Variants in DKK3 observed in about 807,000 individuals in gnomAD.
DKK3 encodes the protein dickkopf Wnt signaling pathway inhibitor 3, also known as dickkopf-related protein 3.
DKK3 carries 22 observed loss-of-function variants against 33.2 expected under a neutral mutation model. That is an observed-to-expected ratio of 0.66 (90% confidence interval 0.47 to 0.95). DKK3 has a LOEUF of 0.95. DKK3 is among the 40% of genes least tolerant of loss of function. DKK3 has a pLI of 0.00. For missense variants in DKK3, 398 were observed against 458.4 expected, an observed-to-expected ratio of 0.87 and a Z score of 1.20; for synonymous variants, 194 against 188.8, an observed-to-expected ratio of 1.03 and a Z score of -0.23.
At chr11:12,002,058 G>C (rs1367666682) in intron 2 of DKK3, 4 of 380,474 alleles carry the variant, frequency 1.1e-5, no homozygotes, top group Non-Finnish European at 1.9e-5. Context: ...TTTGCAACTG[G>C]ACTGGCAGGA....
intron 1 of DKK3, among the ~76,000 whole-genome samples, chr11:12,007,316 T>C (rs1479169969): frequency 6.6e-6 from 1 of 152,114 alleles, no homozygotes; most frequent in Non-Finnish European, 1.5e-5. Flanking sequence ...AGCCTGGACA[T>C]TGGTTTCCTG....
chr11:11,986,744 C>T (rs1200945692), intron 3 of DKK3, among the ~76,000 whole-genome samples: 4 of 152,232 alleles, frequency 2.6e-5, no homozygotes, highest in African/African-American at 4.8e-5. Flanking sequence ...ACCATTTTAC[C>T]GTCTGCCATG....
At chr11:12,006,487 G>A (rs16910347) in intron 1 of DKK3, among the ~76,000 whole-genome samples, 6,678 of 152,278 alleles carry the variant, frequency 0.044, 480 homozygotes, top group African/African-American at 0.15. Context: ...TCCTGCCATG[G>A]TGTTCAACCT....
intron 1 of DKK3, among the ~76,000 whole-genome samples, chr11:12,007,261 C>T (rs1848556243): frequency 6.6e-6 from 1 of 152,178 alleles, no homozygotes; most frequent in Non-Finnish European, 1.5e-5. Context: ...AGGGGGATAC[C>T]AAGCTGGAGA....
intron 3 of DKK3, among the ~76,000 whole-genome samples, chr11:11,985,523 T>C (rs1848051964): frequency 6.6e-6 from 1 of 152,258 alleles, no homozygotes; most frequent in Non-Finnish European, 1.5e-5. Context: ...TCCATTACTA[T>C]TAGTGACCTT....
At chr11:12,007,270 G>C (rs1368024210) in intron 1 of DKK3, among the ~76,000 whole-genome samples, 1 of 152,214 alleles carries the variant, frequency 6.6e-6, no homozygotes, top group Non-Finnish European at 1.5e-5. Context: ...CCAAGCTGGA[G>C]ACAGCAGGGA....
chr11:11,966,072 C>A, intron 5 of DKK3, 107 bp from the exon 6 acceptor site: 1 of 1,343,538 alleles, frequency 7.4e-7, no homozygotes, highest in Non-Finnish European at 9.9e-7. Context: ...ACCCTCAACC[C>A]CAAAGTGCAG....
intron 3 of DKK3, among the ~76,000 whole-genome samples, chr11:11,990,017 G>T (rs998073982): frequency 6.6e-6 from 1 of 152,174 alleles, no homozygotes; most frequent in African/African-American, 2.4e-5. Flanking sequence ...TGTAGCCCTT[G>T]ATGTTATTTT....
upstream of DKK3, chr11:12,008,726 G>A (rs907851415): frequency 5.4e-6 from 6 of 1,120,646 alleles, no homozygotes; most frequent in Non-Finnish European, 5.3e-6. The surrounding 1 kb of genome is among the most constrained non-coding windows in gnomAD (Gnocchi z 4.6). Context: ...GCACCCGCCC[G>A]GAGACGGGAG....
At position 12,008,477 on chromosome 11, in the gene DKK3, G is replaced by C; in HGVS notation, c.106C>G (p.Pro36Ala). The C allele has an allele frequency of 6.2e-7, 1 of 1,606,654 alleles. No individual in the cohort carries two copies. The highest frequency in any genetic ancestry group is 1.1e-5 in the South Asian group (1 of 90,648). The change falls in exon 1 of 7, where the codon CCG (proline) becomes GCG (alanine). Residue 36 changes from proline (P) to alanine (A), a missense_variant. Pro to Ala is a conservative substitution (Grantham distance 27, BLOSUM62 -1). Coordinates refer to ENST00000683431, the MANE Select transcript of DKK3 (RefSeq NM_001018057.2). The surrounding 1 kb of genome is among the most constrained non-coding windows in gnomAD (Gnocchi z 4.6). The part of the protein sequence containing the change: ...TATSAPVKPG[P>A]ALSYPQEEAT... ...TCCTCCTGCGGGTAGCTGAGAGCCG[G>C]GCCGGGCTTGACTGGAGCCGAGGTC...
chr11:11,998,997 T>C (rs1564923374), intron 2 of DKK3, among the ~76,000 whole-genome samples: 2 of 152,022 alleles, frequency 1.3e-5, no homozygotes, highest in Admixed American at 1.3e-4. Flanking sequence ...GTCAGCCTCA[T>C]AGGGTTGCTA....
Position 11,965,877 on chromosome 11 carries a change from C to T in DKK3, c.762G>A (p.Trp254Ter). The T allele has an allele frequency of 2.5e-6, 4 of 1,614,162 alleles. No individual in the cohort carries two copies. The East Asian group carries it at 8.9e-5, about 36-fold the overall frequency. ...CCAAGGCTCCATCAGGCTCTAGCTC[C>T]CAGGTGATGAGGTCCAGAAGCCGGC... ...PASRLLDLIT[W>*]ELEPDGALDR... Residue 254 changes from tryptophan to a stop codon, truncating the protein, a stop_gained, in exon 6 of 7, where the codon TGG becomes TGA. Coordinates refer to ENST00000683431, the MANE Select transcript of DKK3 (RefSeq NM_001018057.2). LOFTEE classifies it high-confidence loss of function.
chr11:11,989,580 G>A (rs1203964982), intron 3 of DKK3, among the ~76,000 whole-genome samples: 1 of 152,178 alleles, frequency 6.6e-6, no homozygotes, highest in Non-Finnish European at 1.5e-5. Context: ...GTTGCCAGGG[G>A]ATTGCAGGAG....
intron 3 of DKK3, among the ~76,000 whole-genome samples, chr11:11,983,724 C>T (rs191275709): frequency 1.3e-5 from 2 of 152,226 alleles, no homozygotes; most frequent in Non-Finnish European, 2.9e-5. Context: ...CTGGGCTACG[C>T]TGCTGTCAAA....
At chr11:11,980,890 T>A (rs567491249) in intron 3 of DKK3, among the ~76,000 whole-genome samples, 2 of 152,308 alleles carry the variant, frequency 1.3e-5, no homozygotes, top group South Asian at 4.1e-4. Context: ...CCATGGCTGG[T>A]TGGTCACTGG....
intron 3 of DKK3, among the ~76,000 whole-genome samples, chr11:11,970,726 G>A (rs1473576395): frequency 1.3e-5 from 2 of 152,332 alleles, no homozygotes; most frequent in Admixed American, 1.3e-4. Flanking sequence ...CATGCCAGGT[G>A]TCACAGACAC....
At chr11:11,991,629 CT>C (rs1385255393) in intron 3 of DKK3, among the ~76,000 whole-genome samples, 1 of 152,188 alleles carries the variant, frequency 6.6e-6, no homozygotes, top group Admixed American at 6.5e-5. Context: ...CCTCCCCTCA[CT>C]TCCTCTCACA....
chr11:11,968,798 C>A, intron 3 of DKK3: 1 of 261,180 alleles, frequency 3.8e-6, no homozygotes, highest in East Asian at 8.0e-5. Context: ...CAGGGCTGGT[C>A]TTCCACACAG....
chr11:12,004,583 G>T (rs1488702994), intron 1 of DKK3, among the ~76,000 whole-genome samples: 1 of 152,224 alleles, frequency 6.6e-6, no homozygotes, highest in Admixed American at 6.5e-5. Flanking sequence ...GACAAGGTGG[G>T]TTCAAGTCCT....
Sources: allele counts gnomAD v4.1 joint callset (sites outside exome capture counted in the v4.1 genomes callset), GRCh38; gene constraint gnomAD v4.1.1; non-coding constraint Gnocchi (gnomAD v3.1); transcripts MANE v1.5; gene names NCBI Gene and HGNC (gene_info 2026-07-23, HGNC 2026-07-21).